The following CPPED1 variants were observed in gnomAD, a reference collection of about 807,000 sequenced individuals.
The protein encoded by CPPED1 is serine/threonine-protein phosphatase CPPED1.
Under a neutral mutation model 28.0 loss-of-function variants are expected in CPPED1, and 28 were observed. The ratio of observed to expected loss-of-function variants is 1.00; its 90% CI spans 0.74 to 1.37. CPPED1 has a LOEUF of 1.37. Ranked by LOEUF, CPPED1 falls within the 40% of genes most tolerant of loss-of-function variation. The pLI, the probability that CPPED1 is intolerant of heterozygous loss-of-function variation, is 0.00. For missense variants in CPPED1, 504 were observed against 416.5 expected, an observed-to-expected ratio of 1.21 and a Z score of -1.83; for synonymous variants, 198 against 180.2, an observed-to-expected ratio of 1.10 and a Z score of -0.79.
In CPPED1 at chr16:12,768,642, T is replaced by G. The variant is rs571261961; in HGVS notation, c.289+12543A>C. Among the ~76,000 whole-genome samples, 4 of 152,328 alleles carry G rather than the reference T, an allele frequency of 2.6e-5. No individual in the cohort carries two copies. In the East Asian group the frequency reaches 7.7e-4, roughly 29 times the overall value. Reference sequence around the variant, plus strand: ...CTCTTATTCTGGGGCCATGGGGATCTGGGGTTCATCCTGTGAACTTCGATG... The same window carrying G: ...CTCTTATTCTGGGGCCATGGGGATCGGGGGTTCATCCTGTGAACTTCGATG... On this transcript the variant is annotated intron_variant, in intron 2 of 3. Coordinates refer to ENST00000381774, the MANE Select transcript of CPPED1 (RefSeq NM_018340.3).
intron 2 of CPPED1, among the ~76,000 whole-genome samples, chr16:12,726,363 TAC>T (rs2080170079): frequency 9.1e-6 from 1 of 110,196 alleles, no homozygotes. Context: ...TTTTTTTTAA[TAC>T]AGAGTCTCAC....
intron 2 of CPPED1, among the ~76,000 whole-genome samples, chr16:12,705,563 G>GC: frequency 6.6e-6 from 1 of 152,280 alleles, no homozygotes; most frequent in East Asian, 1.9e-4. Context: ...TTCGAGACCA[G>GC]CCTGGACAAC....
At chr16:12,721,836 T>C (rs905787615) in intron 2 of CPPED1, among the ~76,000 whole-genome samples, 2 of 151,850 alleles carry the variant, frequency 1.3e-5, no homozygotes, top group African/African-American at 4.8e-5. Context: ...GCTGCTAAGA[T>C]TCTACTAGCA....
intron 2 of CPPED1, among the ~76,000 whole-genome samples, chr16:12,757,326 C>A (rs1210330205): frequency 6.6e-6 from 1 of 152,104 alleles, no homozygotes; most frequent in Non-Finnish European, 1.5e-5. Flanking sequence ...CAAAGCATAA[C>A]TACAAGCATT....
At chr16:12,740,281 A>G (rs2141210562) in intron 2 of CPPED1, among the ~76,000 whole-genome samples, 1 of 151,986 alleles carries the variant, frequency 6.6e-6, no homozygotes, top group South Asian at 2.1e-4. Context: ...CCCCATCTCT[A>G]CAAAAATACA....
intron 3 of CPPED1, among the ~76,000 whole-genome samples, chr16:12,666,770 G>C (rs1293862035): frequency 6.6e-6 from 1 of 152,170 alleles, no homozygotes; most frequent in Non-Finnish European, 1.5e-5. Flanking sequence ...GATCAGTTTT[G>C]AGTATTTATT....
In CPPED1 at chr16:12,664,502, A is replaced by C; in HGVS notation, c.*384T>G. On this transcript the variant is annotated 3_prime_UTR_variant, in exon 4 of 4. Coordinates refer to ENST00000381774, the MANE Select transcript of CPPED1 (RefSeq NM_018340.3). The surrounding 1 kb of genome is among the most constrained non-coding windows in gnomAD (Gnocchi z 4.2). ...TCAGGTGTAGTTTGTTTAAGGAATT[A>C]TCAAAGATCATACTTGGCTGTCAGA... 9.4e-7 allele frequency: 1 copy of C among 1,060,168 alleles called. No homozygotes were observed. Among genetic ancestry groups the C allele is most frequent in the Non-Finnish European group, 1.1e-6 (1 of 877,812 alleles). The allele number at this position is 1,060,168 out of a possible 1,614,324, so 65.7% of individuals were successfully genotyped here.
chr16:12,684,644 C>A (rs924220116), intron 3 of CPPED1, among the ~76,000 whole-genome samples: 6 of 152,164 alleles, frequency 3.9e-5, no homozygotes, highest in African/African-American at 1.4e-4. Context: ...CACAGGGCTG[C>A]TTCTTCTTCA....
intron 1 of CPPED1, among the ~76,000 whole-genome samples, chr16:12,800,351 T>C (rs1890503591): frequency 6.6e-6 from 1 of 151,048 alleles, no homozygotes; most frequent in African/African-American, 2.4e-5. Context: ...AGCAGGAGAA[T>C]CGTTTGAACG....
At position 12,803,721 on chromosome 16, in the gene CPPED1, G is replaced by T. The variant is rs3748976; in HGVS notation, c.56C>A (p.Ala19Asp). ...VFHRARGRTLAAFPAEKESEW... is the reference protein window; with the variant it reads ...VFHRARGRTLDAFPAEKESEW... Reference sequence around the variant, plus strand: ...GCGGGCAGTACCTGCGGGAAACGCGGCCAGGGTCCTGCCCCTGGCTCTGTG... The same window carrying T: ...GCGGGCAGTACCTGCGGGAAACGCGTCCAGGGTCCTGCCCCTGGCTCTGTG... Residue 19 changes from alanine to aspartate, a missense_variant, in exon 1 of 4, where the codon GCC becomes GAC. Transcript: ENST00000381774. The T allele has an allele frequency of 0.2, 321,803 of 1,579,722 alleles. 41,688 individuals are homozygous for T. Among genetic ancestry groups the T allele is most frequent in the African/African-American group, 0.65 (46,955 of 72,588 alleles).
intron 2 of CPPED1, among the ~76,000 whole-genome samples, chr16:12,749,200 T>C (rs2865629): frequency 0.68 from 103,624 of 152,074 alleles, 36,293 homozygotes; most frequent in Admixed American, 0.8. Flanking sequence ...GCATTTCATC[T>C]ACAGAATGTC....
At chr16:12,692,190 C>T (rs949313261) in intron 3 of CPPED1, among the ~76,000 whole-genome samples, 2 of 152,142 alleles carry the variant, frequency 1.3e-5, no homozygotes, top group Non-Finnish European at 2.9e-5. Context: ...TGGAGTCACA[C>T]TGACCCTCGA....
At chr16:12,770,185 G>T (rs1194029151) in intron 2 of CPPED1, among the ~76,000 whole-genome samples, 1 of 152,210 alleles carries the variant, frequency 6.6e-6, no homozygotes, top group Non-Finnish European at 1.5e-5. Flanking sequence ...CCTGAGAGAT[G>T]TTCCCCAGAG....
At chr16:12,785,426 CTTTTTTT>C (rs796796663) in intron 1 of CPPED1, among the ~76,000 whole-genome samples, 2 of 124,718 alleles carry the variant, frequency 1.6e-5, no homozygotes, top group Non-Finnish European at 3.4e-5. Flanking sequence ...AACGTGAATT[CTTTTTTT>C]TTTTTTTTTT....
At chr16:12,747,316 C>T (rs929708992) in intron 2 of CPPED1, among the ~76,000 whole-genome samples, 3 of 151,920 alleles carry the variant, frequency 2.0e-5, no homozygotes, top group Admixed American at 6.6e-5. Context: ...TCTGTAGTCC[C>T]AGCTACTCAG....
At chr16:12,695,509 G>A (rs758366900) in intron 3 of CPPED1, among the ~76,000 whole-genome samples, 20 of 152,156 alleles carry the variant, frequency 1.3e-4, no homozygotes, top group South Asian at 1.0e-3. Context: ...AGGATCAAGC[G>A]ATCCTCCTAC....
intron 2 of CPPED1, among the ~76,000 whole-genome samples, chr16:12,738,737 G>A (rs776131378): frequency 6.6e-6 from 1 of 152,140 alleles, no homozygotes; most frequent in Non-Finnish European, 1.5e-5. Context: ...ACAAGGTCCT[G>A]CTAAAAATTA....
intron 2 of CPPED1, among the ~76,000 whole-genome samples, chr16:12,728,348 T>C (rs1434319679): frequency 6.6e-6 from 1 of 152,174 alleles, no homozygotes; most frequent in African/African-American, 2.4e-5. Context: ...CTATTTGTTA[T>C]ATTAATAGAA....
intron 2 of CPPED1, among the ~76,000 whole-genome samples, chr16:12,727,119 T>C (rs980458514): frequency 2.0e-5 from 3 of 152,192 alleles, no homozygotes; most frequent in African/African-American, 7.2e-5. Flanking sequence ...ACTGGAGCCC[T>C]GCGTTGGCCA....
Sources: allele counts gnomAD v4.1 joint callset (sites outside exome capture counted in the v4.1 genomes callset), GRCh38; gene constraint gnomAD v4.1.1; non-coding constraint Gnocchi (gnomAD v3.1); transcripts MANE v1.5; gene names NCBI Gene and HGNC (gene_info 2026-07-23, HGNC 2026-07-21).